Variants in NDC80 observed in about 807,000 individuals in gnomAD.
NDC80 encodes the protein kinetochore protein NDC80 homolog.
A neutral mutation model predicts 89.3 loss-of-function variants in NDC80; 69 were observed. The observed-to-expected ratio is 0.77, with a 90% CI of 0.64 to 0.94. NDC80 has a LOEUF of 0.94. NDC80 is among the 40% of genes least tolerant of loss of function. The pLI is 0.00. For missense variants in NDC80, 593 were observed against 739.6 expected (o/e 0.80, Z 2.30); for synonymous variants, 243 against 255.6 (o/e 0.95, Z 0.47).
intron 14 of NDC80, among the ~76,000 whole-genome samples, chr18:2,607,270 C>G (rs1445376354): frequency 2.6e-5 from 4 of 152,160 alleles, no homozygotes; most frequent in Non-Finnish European, 5.9e-5. Flanking sequence ...CATGACAATG[C>G]TTGAGTTTAC....
intron 3 of NDC80, among the ~76,000 whole-genome samples, chr18:2,576,474 A>C (rs2072546954): frequency 6.6e-6 from 1 of 152,224 alleles, no homozygotes; most frequent in African/African-American, 2.4e-5. Context: ...TCATGTTACC[A>C]GCCTCTGGAA....
At chr18:2,579,947 GT>G in intron 6 of NDC80, among the ~76,000 whole-genome samples, 1 of 152,188 alleles carries the variant, frequency 6.6e-6, no homozygotes, top group South Asian at 2.1e-4. Context: ...ATATAAATGT[GT>G]GTGTATATGT....
chr18:2,584,543 A>G (rs1246994803), intron 6 of NDC80, among the ~76,000 whole-genome samples: 1 of 152,114 alleles, frequency 6.6e-6, no homozygotes, highest in African/African-American at 2.4e-5. Context: ...TGGCTTGTCA[A>G]TTTTAACCAT....
chr18:2,605,790 TA>T, intron 13 of NDC80, among the ~76,000 whole-genome samples: 2 of 152,262 alleles, frequency 1.3e-5, no homozygotes, highest in East Asian at 3.9e-4. Context: ...TTCCTCTTGG[TA>T]TAGCTGAAGA....
intron 12 of NDC80, among the ~76,000 whole-genome samples, chr18:2,601,012 G>A (rs1370721274): frequency 2.6e-5 from 4 of 152,158 alleles, no homozygotes; most frequent in African/African-American, 9.7e-5. Flanking sequence ...AGACTAAACA[G>A]TTGAAAAGGA....
chr18:2,586,737 A>G (rs1481121723), intron 7 of NDC80, among the ~76,000 whole-genome samples: 1 of 152,162 alleles, frequency 6.6e-6, no homozygotes, highest in Non-Finnish European at 1.5e-5. Context: ...CTCAAAAAAA[A>G]AAGTGTTAAA....
chr18:2,608,523 A>T (rs1166111262), intron 14 of NDC80, among the ~76,000 whole-genome samples, 177 bp from the exon 15 acceptor site: 1 of 152,184 alleles, frequency 6.6e-6, no homozygotes, highest in Non-Finnish European at 1.5e-5. Context: ...TTTTTATAAT[A>T]CAGGATTCCC....
rs546460077 is a variant in NDC80 at position 2,589,723 on chromosome 18, T to G, written c.871-295T>G. Among the ~76,000 whole-genome samples the G allele has an allele frequency of 9.9e-4, 135 of 136,416 alleles. 23 individuals carry two copies. The highest frequency in any genetic ancestry group is 4.7e-3 in the African/African-American group (125 of 26,618). 89.5% of individuals were successfully genotyped at this position (136,416 alleles called of 152,430 possible). ...GTTTTCTAAAAGCTAAATATTAATA[T>G]CCAGTTATCTAACTTTATTTTCTGC... On this transcript the variant is annotated intron_variant, in intron 9 of 16. Transcript: ENST00000261597.
rs1461389439 is a variant in NDC80, at chr18:2,606,525, G to C, written c.1557+18G>C. 6.6e-6 allele frequency: 10 copies of C among 1,508,994 alleles called. No individual in the cohort carries two copies. In the Admixed American group the frequency reaches 1.9e-4, roughly 29 times the overall value. The allele number at this position is 1,508,994 out of a possible 1,614,324, so 93.5% of individuals were successfully genotyped here. On this transcript the variant is annotated intron_variant, in intron 14 of 16. Transcript: ENST00000261597. ...AAATTAAGGTAAGAACTTTGCCACAGTTTGCGTAGGTTATCAAAAGCTATG... is the reference window on the plus strand; with the variant it reads ...AAATTAAGGTAAGAACTTTGCCACACTTTGCGTAGGTTATCAAAAGCTATG...
chr18:2,611,527 G>A (rs185321167), intron 16 of NDC80, among the ~76,000 whole-genome samples: 6 of 152,234 alleles, frequency 3.9e-5, no homozygotes, highest in Admixed American at 2.6e-4. Flanking sequence ...AGATGAAAGG[G>A]CATATCTTAT....
Position 2,590,155 on chromosome 18 carries a change from T to C in NDC80, c.1008T>C (p.Ala336=), listed in dbSNP as rs1269460792. The change falls in exon 10 of 17, where the codon GCT becomes GCC. Residue 336 remains alanine (A), a synonymous_variant. Coordinates refer to ENST00000261597, the MANE Select transcript of NDC80 (RefSeq NM_006101.3). ...QKLNGLNEEI[A]RVELECETIK... ...TAAATGGTCTCAATGAGGAAATTGCTAGAGTAGGTAAGCAGAGCTAATGCT... is the reference window on the plus strand; with the variant it reads ...TAAATGGTCTCAATGAGGAAATTGCCAGAGTAGGTAAGCAGAGCTAATGCT... The C allele has an allele frequency of 6.2e-7, 1 of 1,600,588 alleles. No individual in the cohort carries two copies.
intron 13 of NDC80, among the ~76,000 whole-genome samples, chr18:2,603,356 C>CATACATATATATAT (rs1418359357): frequency 8.3e-6 from 1 of 120,800 alleles, no homozygotes; most frequent in African/African-American, 3.3e-5. Flanking sequence ...TATGTTTATA[C>CATACATATATATAT]ATATATATAT....
chr18:2,601,381 C>G lies in NDC80; in HGVS notation c.1375-15C>G, dbSNP rs1414906135. 5 of 1,281,878 alleles carry G rather than the reference C, an allele frequency of 3.9e-6. No homozygotes were observed. Among genetic ancestry groups the G allele is most frequent in the Non-Finnish European group, 5.4e-6 (5 of 921,232 alleles). The allele number at this position is 1,281,878 out of a possible 1,614,324, so 79.4% of individuals were successfully genotyped here. A position where few individuals can be genotyped will look rare whatever the true frequency, so the allele number is the denominator to read the frequency against. On this transcript the variant is annotated splice_polypyrimidine_tract_variant and intron_variant, in intron 12 of 16. Transcript: ENST00000261597. ...TAAATGTTATATGTCACCCACATTC[C>G]TATGTATTTTATAGGTACCTCTTAA...
intron 1 of NDC80, 31 bp downstream of exon 1, chr18:2,571,714 T>TC (rs2072514002): frequency 6.6e-6 from 1 of 152,342 alleles, no homozygotes. Flanking sequence ...TAACTTTGTT[T>TC]CTGCAGAGCT....
At chr18:2,591,629 T>A (rs919018469) in intron 10 of NDC80, among the ~76,000 whole-genome samples, 1 of 151,986 alleles carries the variant, frequency 6.6e-6, no homozygotes, top group East Asian at 1.9e-4. Context: ...CTAAACCAAC[T>A]CTTTAAATAT....
At chr18:2,615,534 A>G (rs2072780182) in intron 16 of NDC80, among the ~76,000 whole-genome samples, 1 of 152,182 alleles carries the variant, frequency 6.6e-6, no homozygotes, top group South Asian at 2.1e-4. Flanking sequence ...ATAGTGCAGG[A>G]TAATCTCCTT....
intron 1 of NDC80, among the ~76,000 whole-genome samples, chr18:2,572,334 T>C (rs2677893): frequency 0.7 from 107,090 of 152,048 alleles, 38,084 homozygotes; most frequent in Admixed American, 0.76. Context: ...AGGAGACAAA[T>C]TTTTTAGCAG....
rs3033372 is a variant in NDC80 at position 2,607,965 on chromosome 18, G to GTATATATATATATATATATA, written c.1558-720_1558-701dup. Among the ~76,000 whole-genome samples the GTATATATATATATATATATA allele has an allele frequency of 2.8e-4, 19 of 68,126 alleles. 1 individual carries two copies. The highest frequency in any genetic ancestry group is 7.0e-4 in the South Asian group (1 of 1,432). 44.7% of individuals were successfully genotyped at this position (68,126 alleles called of 152,430 possible). A position where few individuals can be genotyped will look rare whatever the true frequency, so the allele number is the denominator to read the frequency against. On this transcript the variant is annotated intron_variant, in intron 14 of 16. Coordinates refer to ENST00000261597, the MANE Select transcript of NDC80 (RefSeq NM_006101.3). Reference sequence around the variant, plus strand: ...TGTTTTTATTTTACATATATACATAGTATATATATATATATATATATATAT... The same window carrying GTATATATATATATATATATA: ...TGTTTTTATTTTACATATATACATAGTATATATATATATATATATATATATATATATATATATATATATAT...
intron 9 of NDC80, among the ~76,000 whole-genome samples, 160 bp from the exon 10 acceptor site, chr18:2,589,858 A>ATTTT: frequency 6.6e-6 from 1 of 151,324 alleles, no homozygotes; most frequent in African/African-American, 2.4e-5. Context: ...TCAAACTGAC[A>ATTTT]GTGTAGTCCC....
Sources: allele counts gnomAD v4.1 joint callset (sites outside exome capture counted in the v4.1 genomes callset), GRCh38; gene constraint gnomAD v4.1.1; transcripts MANE v1.5; gene names NCBI Gene and HGNC (gene_info 2026-07-23, HGNC 2026-07-21).